PLD5: variants seen among roughly 807,000 people sequenced by gnomAD.
PLD5 encodes inactive phospholipase D5.
In PLD5, 36 loss-of-function variants were observed where a neutral mutation model predicts 61.1. The ratio of observed to expected loss-of-function variants is 0.59; its 90% CI spans 0.45 to 0.78. The LOEUF (loss-of-function observed/expected upper bound fraction) is 0.78, where lower values mean the gene tolerates loss of function less well. Ranked by LOEUF, PLD5 falls within the 30% of genes least tolerant of loss-of-function variation. The probability of loss-of-function intolerance (pLI) is 0.00; values close to 1 mark genes in which losing one functional copy is unlikely to be tolerated. For synonymous variants in PLD5, 243 were observed against 242.8 expected (o/e 1.00, Z -0.01); for missense variants, 515 against 644.4 (o/e 0.80, Z 2.17).
chr1:242,162,412 A>G lies in PLD5; in HGVS notation c.736-37747T>C, dbSNP rs1044167980. Among the ~76,000 whole-genome samples, 5 of 152,192 alleles carry G rather than the reference A, an allele frequency of 3.3e-5. No homozygotes were observed. The South Asian group carries it at 1.0e-3, about 31-fold the overall frequency. ...AAGCCACTAGGCAATGACTACAACC[A>G]TTACAGGAAGCAGGTCAATATGATT... On this transcript the variant is annotated intron_variant, in intron 5 of 9. Coordinates refer to ENST00000536534, the MANE Select transcript of PLD5 (RefSeq NM_001372062.1).
intron 2 of PLD5, among the ~76,000 whole-genome samples, chr1:242,312,562 T>G (rs1466578629): frequency 6.6e-6 from 1 of 152,168 alleles, no homozygotes; most frequent in East Asian, 1.9e-4. Flanking sequence ...ACCCTTGTGA[T>G]TTTCACAAGC....
chr1:242,496,678 G>T (rs145434946), intron 1 of PLD5, among the ~76,000 whole-genome samples: 2 of 152,182 alleles, frequency 1.3e-5, no homozygotes, highest in Admixed American at 1.3e-4. Context: ...TATACAATTG[G>T]TGTCTTTAGG....
At chr1:242,512,963 C>T (rs1299318162) in intron 1 of PLD5, among the ~76,000 whole-genome samples, 5 of 152,060 alleles carry the variant, frequency 3.3e-5, no homozygotes, top group Admixed American at 1.3e-4. Context: ...TCTCGTCCTC[C>T]TGAGTTCAAG....
At chr1:242,216,483 A>G (rs539124643) in intron 5 of PLD5, among the ~76,000 whole-genome samples, 53 of 152,206 alleles carry the variant, frequency 3.5e-4, no homozygotes, top group Non-Finnish European at 6.2e-4. Flanking sequence ...TGGCTTGTTT[A>G]CTCATGTGGT....
intron 2 of PLD5, among the ~76,000 whole-genome samples, chr1:242,299,497 G>A (rs1199348184): frequency 6.6e-6 from 1 of 152,232 alleles, no homozygotes; most frequent in African/African-American, 2.4e-5. Context: ...GAGTGATGAA[G>A]CCCAGATTTA....
intron 1 of PLD5, among the ~76,000 whole-genome samples, chr1:242,513,629 C>T (rs1462917268): frequency 6.6e-6 from 1 of 152,212 alleles, no homozygotes; most frequent in Non-Finnish European, 1.5e-5. Flanking sequence ...CTTCCGAAGT[C>T]TGAAGCTCAA....
In PLD5 at chr1:242,459,791, A is replaced by G. The variant is rs1021101733; in HGVS notation, c.189+64297T>C. Among the ~76,000 whole-genome samples, 12 of 152,274 alleles carry G rather than the reference A, an allele frequency of 7.9e-5. No individual in the cohort carries two copies. In the South Asian group the frequency reaches 1.5e-3, roughly 18 times the overall value. ...ACCAAGATTCCTATCCCAGAAAAGCAGATGTTCATAGCTCTGGGAATGGAA... is the reference window on the plus strand; with the variant it reads ...ACCAAGATTCCTATCCCAGAAAAGCGGATGTTCATAGCTCTGGGAATGGAA... On this transcript the variant is annotated intron_variant, in intron 1 of 9. Transcript: ENST00000536534.
chr1:242,387,523 G>C (rs912789028), intron 1 of PLD5, among the ~76,000 whole-genome samples: 4 of 152,072 alleles, frequency 2.6e-5, no homozygotes, highest in South Asian at 4.2e-4. Context: ...TACCTACAAG[G>C]GTTTCAAATG....
At chr1:242,204,940 A>G (rs1215189298) in intron 5 of PLD5, among the ~76,000 whole-genome samples, 1 of 152,196 alleles carries the variant, frequency 6.6e-6, no homozygotes, top group Non-Finnish European at 1.5e-5. Flanking sequence ...CTGTTTTCAG[A>G]TGTATAGTGC....
At chr1:242,530,161 T>C in the PLD5 span, among the ~76,000 whole-genome samples, 1 of 152,214 alleles carries the variant, frequency 6.6e-6, no homozygotes, top group African/African-American at 2.4e-5. Context: ...CCCAGAGTGC[T>C]GGGATTACAG....
At chr1:242,390,077 GT>G (rs1662839807) in intron 1 of PLD5, among the ~76,000 whole-genome samples, 1 of 46,684 alleles carries the variant, frequency 2.1e-5, no homozygotes, top group Non-Finnish European at 5.4e-5. Context: ...CTGGAGTGCA[GT>G]GGCGCCATCT....
intron 5 of PLD5, among the ~76,000 whole-genome samples, chr1:242,142,157 T>G (rs957237725): frequency 6.6e-6 from 1 of 152,186 alleles, no homozygotes; most frequent in African/African-American, 2.4e-5. Flanking sequence ...TCATGAAGAC[T>G]TCATCTCCTC....
intron 1 of PLD5, among the ~76,000 whole-genome samples, chr1:242,452,741 A>G (rs1253839633): frequency 6.6e-6 from 1 of 152,150 alleles, no homozygotes; most frequent in African/African-American, 2.4e-5. Flanking sequence ...GCTTGAGCCC[A>G]GGAGGCAGAG....
chr1:242,394,760 ATATATGTGAATATATATGTG>A (rs1663326519), intron 1 of PLD5, among the ~76,000 whole-genome samples: 1 of 44,368 alleles, frequency 2.3e-5, no homozygotes, highest in Non-Finnish European at 5.6e-5. Flanking sequence ...ATATATGTGT[ATATATGTGAATATATATGTG>A]TATATATGTG....
At chr1:242,516,250 T>TTATATATATATATATATATATATATATA (rs57043354) in intron 1 of PLD5, among the ~76,000 whole-genome samples, 3 of 138,626 alleles carry the variant, frequency 2.2e-5, no homozygotes, top group African/African-American at 5.4e-5. Context: ...TAAAGTTAAA[T>TTATATATATATATATATATATATATATA]TATATATATA....
At chr1:242,113,129 GC>G (rs1479346578) in intron 7 of PLD5, among the ~76,000 whole-genome samples, 1 of 124,852 alleles carries the variant, frequency 8.0e-6, no homozygotes, top group Non-Finnish European at 1.6e-5. Flanking sequence ...TTGCTCTGTC[GC>G]CCAGGCTGGA....
intron 1 of PLD5, among the ~76,000 whole-genome samples, chr1:242,397,707 C>T (rs1325671971): frequency 6.6e-6 from 1 of 151,948 alleles, no homozygotes; most frequent in African/African-American, 2.4e-5. Flanking sequence ...TATTCTATAT[C>T]TCTATTACAT....
Position 242,323,198 on chromosome 1 carries a change from A to AG in PLD5, c.326+24907dup, listed in dbSNP as rs199957499. ...AAGGAAGAAACTGAAAATAGAGACA[A>AG]GGGGAAAAAAAAGAAAACTCCAGGC... On this transcript the variant is annotated intron_variant, in intron 2 of 9. Coordinates refer to ENST00000536534, the MANE Select transcript of PLD5 (RefSeq NM_001372062.1). 8.7e-3 allele frequency among the ~76,000 whole-genome samples: 1,331 copies of AG among 152,266 alleles called. 12 individuals carry two copies. The highest frequency in any genetic ancestry group is 0.03 in the African/African-American group (1,228 of 41,566).
At position 242,224,518 on chromosome 1, in the gene PLD5, CAT is replaced by C. The variant is rs1335737841; in HGVS notation, c.608-4405_608-4404del. ...TGTTAAAATGACAGCAAGAGCTATG[CAT>C]AAGAAACATGGAGTAATTTATGAGA... On this transcript the variant is annotated intron_variant, in intron 4 of 9. Coordinates refer to ENST00000536534, the MANE Select transcript of PLD5 (RefSeq NM_001372062.1). Among the ~76,000 whole-genome samples the C allele has an allele frequency of 6.6e-5, 10 of 152,024 alleles. 1 individual carries two copies. The highest frequency in any genetic ancestry group is 5.9e-4 in the Admixed American group (9 of 15,260).
Sources: gnomAD v4.1 joint callset for allele counts (sites outside exome capture counted in the v4.1 genomes callset) on GRCh38, gnomAD v4.1.1 for gene constraint, MANE v1.5 for transcripts, NCBI Gene and HGNC (gene_info 2026-07-23, HGNC 2026-07-21) for gene names.